PPM1H: variants seen among roughly 807,000 people sequenced by gnomAD.
PPM1H encodes the protein protein phosphatase, Mg2+/Mn2+ dependent 1H.
Under a neutral mutation model 54.9 loss-of-function variants are expected in PPM1H, and 27 were observed. The observed-to-expected ratio is 0.49, with a 90% confidence interval of 0.36 to 0.68. The LOEUF (loss-of-function observed/expected upper bound fraction) is 0.68. Among genes scored for constraint, PPM1H ranks in the 30% least tolerant of loss-of-function variants. PPM1H has a pLI of 0.00. For synonymous variants in PPM1H, 305 were observed against 270.8 expected (o/e 1.13, Z -1.24); for missense variants, 596 against 667.8 (o/e 0.89, Z 1.19).
intron 1 of PPM1H, among the ~76,000 whole-genome samples, chr12:62,933,392 C>A (rs1872212830): frequency 6.6e-6 from 1 of 152,162 alleles, no homozygotes; most frequent in East Asian, 1.9e-4. Flanking sequence ...AGCATCAAGG[C>A]GCCCAGGCAT....
chr12:62,753,294 C>T (rs1256149948), intron 4 of PPM1H, among the ~76,000 whole-genome samples: 3 of 152,162 alleles, frequency 2.0e-5, no homozygotes, highest in Non-Finnish European at 4.4e-5. Context: ...TCCTATGGAA[C>T]CCACTTCTGA....
intron 6 of PPM1H, among the ~76,000 whole-genome samples, chr12:62,715,769 C>A (rs2076231495): frequency 6.6e-6 from 1 of 152,084 alleles, no homozygotes. Flanking sequence ...TCCCCAGAAC[C>A]CCCACCCCCA....
At chr12:62,751,759 C>T (rs2120577924) in intron 4 of PPM1H, among the ~76,000 whole-genome samples, 1 of 152,354 alleles carries the variant, frequency 6.6e-6, no homozygotes, top group Non-Finnish European at 1.5e-5. Context: ...GAGATCTAGA[C>T]TGTATAATGT....
rs1369434789 is a variant in PPM1H at position 62,877,479 on chromosome 12, C to A, written c.246-45200G>T. Among the ~76,000 whole-genome samples, 3 of 152,262 alleles carry A rather than the reference C, an allele frequency of 2.0e-5. No individual in the cohort carries two copies. The East Asian group carries it at 5.8e-4, about 29-fold the overall frequency. On this transcript the variant is annotated intron_variant, in intron 1 of 9. Transcript: ENST00000228705. ...TCAAAAGCATTTTGTTCCAAGGTAC[C>A]ACGCGATACGGTAATAGTAATTAAC... is the stretch of plus-strand genomic sequence containing the variant.
intron 6 of PPM1H, among the ~76,000 whole-genome samples, chr12:62,705,801 A>G (rs1173550186): frequency 6.6e-6 from 1 of 152,246 alleles, no homozygotes; most frequent in Non-Finnish European, 1.5e-5. Context: ...ATAAACATGA[A>G]TTTCATTGAC....
chr12:62,814,295 C>A (rs1251985706), intron 2 of PPM1H, among the ~76,000 whole-genome samples: 1 of 152,104 alleles, frequency 6.6e-6, no homozygotes, highest in Non-Finnish European at 1.5e-5. Context: ...TTTGCCCAAG[C>A]TAGTCTGGAA....
chr12:62,756,400 C>T (rs777968498), intron 4 of PPM1H, among the ~76,000 whole-genome samples: 39 of 151,134 alleles, frequency 2.6e-4, no homozygotes, highest in Non-Finnish European at 3.8e-4. Flanking sequence ...CCCACCTTGT[C>T]GTGTGCCATT....
intron 4 of PPM1H, among the ~76,000 whole-genome samples, chr12:62,761,516 ATCCTTGAATT>A (rs1280324035): frequency 1.3e-5 from 2 of 152,192 alleles, no homozygotes; most frequent in African/African-American, 4.8e-5. Flanking sequence ...TGTGTAAAAA[ATCCTTGAATT>A]TTCCTGCTAA....
At chr12:62,673,715 CTTTT>C (rs567775927) in intron 8 of PPM1H, among the ~76,000 whole-genome samples, 124 of 41,944 alleles carry the variant, frequency 3.0e-3, no homozygotes, top group South Asian at 0.011. Context: ...AAGAGCCACT[CTTTT>C]TTTTTTTTTT....
In PPM1H at chr12:62,927,387, C is replaced by T. The variant is rs1215190967; in HGVS notation, c.245+7105G>A. 3.3e-5 allele frequency among the ~76,000 whole-genome samples: 5 copies of T among 152,086 alleles called. 1 individual carries two copies. Among genetic ancestry groups the T allele is most frequent in the Admixed American group, 1.3e-4 (2 of 15,278 alleles). On this transcript the variant is annotated intron_variant, in intron 1 of 9. Coordinates refer to ENST00000228705, the MANE Select transcript of PPM1H (RefSeq NM_020700.2). Reference sequence around the variant, plus strand: ...AAGAATATATGTTGGAGGCCGGGTGCGGTGGCTCACGCCTGTCATCCCTAC... The same window carrying T: ...AAGAATATATGTTGGAGGCCGGGTGTGGTGGCTCACGCCTGTCATCCCTAC...
At position 62,802,033 on chromosome 12, in the gene PPM1H, A is replaced by G. The variant is rs1421248730; in HGVS notation, c.539T>C (p.Ile180Thr). 3 of 1,613,430 alleles carry G rather than the reference A, an allele frequency of 1.9e-6. No homozygotes were observed. The highest frequency in any genetic ancestry group is 2.2e-5 in the South Asian group (2 of 91,056). ...GGGCAGGACGGCGGAGTTCTTCAGGATGTCCACGATGTCCTGCAGCTGCTC... is the reference window on the plus strand; with the variant it reads ...GGGCAGGACGGCGGAGTTCTTCAGGGTGTCCACGATGTCCTGCAGCTGCTC... ...ITEQLQDIVDILKNSAVLPPT... is the reference protein window; with the variant it reads ...ITEQLQDIVDTLKNSAVLPPT... The change falls in exon 3 of 10, where the codon ATC becomes ACC. Residue 180 changes from isoleucine (I) to threonine (T), a missense_variant. Coordinates refer to ENST00000228705, the MANE Select transcript of PPM1H (RefSeq NM_020700.2).
chr12:62,902,805 A>C (rs994133845), intron 1 of PPM1H, among the ~76,000 whole-genome samples: 11 of 152,242 alleles, frequency 7.2e-5, no homozygotes, highest in African/African-American at 2.7e-4. Context: ...AATTATGAGT[A>C]GTACTAAGAA....
At chr12:62,816,684 T>C (rs2076868396) in intron 2 of PPM1H, among the ~76,000 whole-genome samples, 1 of 151,870 alleles carries the variant, frequency 6.6e-6, no homozygotes, top group Non-Finnish European at 1.5e-5. Flanking sequence ...AGCAAGGCAC[T>C]AAAATCGGCG....
chr12:62,752,007 C>A (rs569040891), intron 4 of PPM1H, among the ~76,000 whole-genome samples: 1 of 152,310 alleles, frequency 6.6e-6, no homozygotes, highest in Non-Finnish European at 1.5e-5. Flanking sequence ...GCCTGGGAAG[C>A]CCATCTCTCA....
At chr12:62,774,869 A>C (rs2076600592) in intron 4 of PPM1H, among the ~76,000 whole-genome samples, 2 of 152,158 alleles carry the variant, frequency 1.3e-5, no homozygotes, top group African/African-American at 4.8e-5. Context: ...GTCCTCCAAA[A>C]ACAGGTGGCG....
chr12:62,908,312 C>A (rs1258635027), intron 1 of PPM1H, among the ~76,000 whole-genome samples: 1 of 147,422 alleles, frequency 6.8e-6, no homozygotes, highest in Non-Finnish European at 1.5e-5. Context: ...GAGGCTGAGG[C>A]AGGAGAATCG....
intron 8 of PPM1H, among the ~76,000 whole-genome samples, chr12:62,687,562 CTTT>C (rs559654707): frequency 9.9e-5 from 14 of 141,816 alleles, no homozygotes; most frequent in Non-Finnish European, 7.8e-5. Context: ...TCTTGCAGTA[CTTT>C]TTTTTTTTTT....
At chr12:62,670,764 C>T (rs1028502025) in intron 8 of PPM1H, among the ~76,000 whole-genome samples, 9 of 152,128 alleles carry the variant, frequency 5.9e-5, no homozygotes, top group East Asian at 1.9e-4. Flanking sequence ...TTCTCAAGAC[C>T]GTTCTTCATG....
intron 1 of PPM1H, among the ~76,000 whole-genome samples, chr12:62,902,752 A>G (rs79012938): frequency 0.031 from 4,744 of 152,358 alleles, 281 homozygotes; most frequent in African/African-American, 0.11. Context: ...CCTGGCATAT[A>G]CTGAAGGACT....
Sources: allele counts gnomAD v4.1 joint callset (sites outside exome capture counted in the v4.1 genomes callset), GRCh38; gene constraint gnomAD v4.1.1; transcripts MANE v1.5; gene names NCBI Gene and HGNC (gene_info 2026-07-23, HGNC 2026-07-21).